Variants in RNF7 observed in about 807,000 individuals in gnomAD.
The protein encoded by RNF7 is ring finger protein 7, also known as RING-box protein 2.
Under a neutral mutation model 17.0 loss-of-function variants are expected in RNF7, and 9 were observed. The observed-to-expected ratio is 0.53, with a 90% CI of 0.32 to 0.92. The LOEUF (loss-of-function observed/expected upper bound fraction) is 0.92, where lower values mean the gene tolerates loss of function less well. Among genes scored for constraint, RNF7 ranks in the 40% least tolerant of loss-of-function variants. RNF7 has a pLI of 0.04. For missense variants in RNF7, 87 were observed against 145.8 expected, an observed-to-expected ratio of 0.60 and a Z score of 2.08; for synonymous variants, 59 against 50.5, an observed-to-expected ratio of 1.17 and a Z score of -0.72.
intron 1 of RNF7, chr3:141,742,976 A>G (rs1421471385): frequency 9.1e-6 from 8 of 882,154 alleles, no homozygotes; most frequent in Admixed American, 5.1e-5. Context: ...TATAAGTTAT[A>G]TATTCATATA....
chr3:141,741,847 A>G (rs766980635), intron 1 of RNF7, among the ~76,000 whole-genome samples: 2 of 152,130 alleles, frequency 1.3e-5, no homozygotes, highest in Non-Finnish European at 2.9e-5. Flanking sequence ...CATACATATA[A>G]TGTTAGTATT....
At chr3:141,739,776 A>G (rs1408643987) in intron 1 of RNF7, among the ~76,000 whole-genome samples, 1 of 152,208 alleles carries the variant, frequency 6.6e-6, no homozygotes, top group East Asian at 1.9e-4. Flanking sequence ...AGACCTTGAT[A>G]TTAGACATGA....
At chr3:141,742,203 A>G (rs1577899222) in intron 1 of RNF7, among the ~76,000 whole-genome samples, 1 of 140,644 alleles carries the variant, frequency 7.1e-6, no homozygotes, top group Non-Finnish European at 1.5e-5. Flanking sequence ...TGTTCTCATC[A>G]TTTAGCTCTC....
chr3:141,743,113 A>G (rs1577900059), intron 1 of RNF7: 1 of 187,462 alleles, frequency 5.3e-6, no homozygotes, highest in East Asian at 1.6e-4. Context: ...ATGTATGTAT[A>G]AACAAATGCT....
At chr3:141,740,276 A>G (rs560290902) in intron 1 of RNF7, among the ~76,000 whole-genome samples, 1 of 152,134 alleles carries the variant, frequency 6.6e-6, no homozygotes, top group South Asian at 2.1e-4. Context: ...CCAGTTTAAA[A>G]ATAATGTTCC....
chr3:141,747,400 C>T lies in RNF7; in HGVS notation c.*2123C>T, dbSNP rs533642416. 19 of 152,288 alleles carry T rather than the reference C, an allele frequency of 1.2e-4. No homozygotes were observed. In the South Asian group the frequency reaches 2.1e-3, roughly 17 times the overall value. 9.4% of individuals were successfully genotyped at this position (152,288 alleles called of 1,614,324 possible). On this transcript the variant is annotated 3_prime_UTR_variant, in exon 3 of 3. Transcript: ENST00000273480. ...CATTAGAAACAAACAAGTTATCTTT[C>T]GCTATTTAATTTTCCCTCTATGCAA... is the stretch of plus-strand genomic sequence containing the variant.
At position 141,746,341 on chromosome 3, in the gene RNF7, G is replaced by A. The variant is rs1307962302; in HGVS notation, c.*1064G>A. 2 of 152,134 alleles carry A rather than the reference G, an allele frequency of 1.3e-5. No individual in the cohort carries two copies. The highest frequency in any genetic ancestry group is 2.9e-5 in the Non-Finnish European group (2 of 68,030). 9.4% of individuals were successfully genotyped at this position (152,134 alleles called of 1,614,324 possible). On this transcript the variant is annotated 3_prime_UTR_variant, in exon 3 of 3. Transcript: ENST00000273480. ...ATGAGGGAAAATGTTTACCAGTGTA[G>A]CATTGGATCAAAAAGTTTATCACAC...
chr3:141,743,674 G>A (rs2084443790), intron 2 of RNF7, 118 bp downstream of exon 2: 1 of 682,716 alleles, frequency 1.5e-6, no homozygotes, highest in Non-Finnish European at 2.5e-6. Context: ...GTAAAGCAGT[G>A]ATCCATTGTT....
chr3:141,745,368 A>G lies in RNF7; in HGVS notation c.*91A>G. 1 of 749,326 alleles carries G rather than the reference A, an allele frequency of 1.3e-6. No individual in the cohort carries two copies. The highest frequency in any genetic ancestry group is 2.5e-5 in the Admixed American group (1 of 40,228). The allele number at this position is 749,326 out of a possible 1,614,324, so 46.4% of individuals were successfully genotyped here. On this transcript the variant is annotated 3_prime_UTR_variant, in exon 3 of 3. Coordinates refer to ENST00000273480, the MANE Select transcript of RNF7 (RefSeq NM_014245.5). The stretch of plus-strand genomic sequence containing the variant: ...TACAAAGGCTAGAACACTACAGGGG[A>G]TGAATTCTTCAAATAGGAGCCGATG...
At position 141,738,441 on chromosome 3, in the gene RNF7, A is replaced by T. The variant is rs1443973937; in HGVS notation, c.100A>T (p.Lys34Ter). ...SGGDKMFSLK[K>*]WNAVAMWSWD... ...AGGCGACAAGATGTTCTCCCTCAAG[A>T]AGTGGAACGCGGTGGCCATGTGGAG... The change falls in exon 1 of 3, where the codon AAG becomes TAG. Residue 34 changes from lysine to a stop codon, truncating the protein, a stop_gained. Coordinates refer to ENST00000273480, the MANE Select transcript of RNF7 (RefSeq NM_014245.5). LOFTEE classifies it high-confidence loss of function. The T allele has an allele frequency of 6.2e-7, 1 of 1,613,554 alleles. No individual in the cohort carries two copies. The highest frequency in any genetic ancestry group is 8.5e-7 in the Non-Finnish European group (1 of 1,179,738).
chr3:141,738,799 A>G (rs80061564), intron 1 of RNF7, among the ~76,000 whole-genome samples: 5,785 of 152,334 alleles, frequency 0.038, 358 homozygotes, highest in African/African-American at 0.13. Flanking sequence ...GAGTTAAACA[A>G]GGTAATTTCA....
intron 1 of RNF7, 46 bp from the exon 2 acceptor site, chr3:141,743,463 T>A (rs896453546): frequency 6.7e-7 from 1 of 1,503,304 alleles, no homozygotes; most frequent in African/African-American, 1.4e-5. Flanking sequence ...TTTTAAAAAT[T>A]GCATTCTGAG....
At chr3:141,744,575 G>C (rs1358219103) in intron 2 of RNF7, among the ~76,000 whole-genome samples, 4 of 152,106 alleles carry the variant, frequency 2.6e-5, no homozygotes, top group African/African-American at 9.7e-5. Flanking sequence ...ATCACAGAGA[G>C]ACCTCTCTCT....
chr3:141,739,043 G>GA (rs2084387874), intron 1 of RNF7, among the ~76,000 whole-genome samples: 1 of 151,948 alleles, frequency 6.6e-6, no homozygotes, highest in Non-Finnish European at 1.5e-5. Context: ...AGGGACGCAG[G>GA]AAAGTGTTCA....
At chr3:141,742,714 C>A in intron 1 of RNF7, 1 of 1,243,254 alleles carries the variant, frequency 8.0e-7, no homozygotes, top group Non-Finnish European at 1.1e-6. Context: ...TGGGATTTGA[C>A]TGTAGATCTG....
intron 1 of RNF7, among the ~76,000 whole-genome samples, chr3:141,740,165 ACT>A (rs954849201): frequency 2.1e-5 from 3 of 143,394 alleles, no homozygotes; most frequent in Non-Finnish European, 4.5e-5. Flanking sequence ...GATCCAGGAG[ACT>A]CTTTTTTTTT....
intron 2 of RNF7, 59 bp downstream of exon 2, chr3:141,743,615 G>A: frequency 1.6e-6 from 2 of 1,225,380 alleles, no homozygotes; most frequent in South Asian, 1.3e-5. Flanking sequence ...CAGTAGGGAT[G>A]TTTGAATTTG....
chr3:141,743,050 A>G (rs896569489), intron 1 of RNF7: 20 of 320,632 alleles, frequency 6.2e-5, no homozygotes, highest in Non-Finnish European at 8.9e-5. Context: ...TCCCATTCCA[A>G]ACCCTCCCAG....
chr3:141,740,022 T>G (rs921662920), intron 1 of RNF7, among the ~76,000 whole-genome samples: 2 of 152,146 alleles, frequency 1.3e-5, no homozygotes, highest in Non-Finnish European at 2.9e-5. Flanking sequence ...GGTGACAGAA[T>G]GAGACCCTGT....
Sources: gnomAD v4.1 joint callset for allele counts (sites outside exome capture counted in the v4.1 genomes callset) on GRCh38, gnomAD v4.1.1 for gene constraint, MANE v1.5 for transcripts, NCBI Gene and HGNC (gene_info 2026-07-23, HGNC 2026-07-21) for gene names.